IL1RL2: variants seen among roughly 807,000 people sequenced by gnomAD.
IL1RL2 encodes interleukin 1 receptor like 2.
In IL1RL2, 68 loss-of-function variants were observed where a neutral mutation model predicts 66.8. The ratio of observed to expected loss-of-function variants is 1.02; its 90% confidence interval spans 0.84 to 1.25. The LOEUF (loss-of-function observed/expected upper bound fraction) is 1.25. Ranked by LOEUF, IL1RL2 falls within the 50% of genes most tolerant of loss-of-function variation. The pLI is 0.00. For missense variants in IL1RL2, 729 were observed against 709.3 expected, an observed-to-expected ratio of 1.03 and a Z score of -0.32; for synonymous variants, 305 against 264.6, an observed-to-expected ratio of 1.15 and a Z score of -1.48.
chr2:102,189,185 G>A lies in IL1RL2; in HGVS notation c.168G>A (p.Trp56Ter). The change falls in exon 3 of 12, where the codon TGG becomes TGA. Residue 56 changes from tryptophan (W) to a stop codon, truncating the protein, a stop_gained. Coordinates refer to ENST00000264257, the MANE Select transcript of IL1RL2 (RefSeq NM_003854.4). LOFTEE classifies it high-confidence loss of function. ...PITSGEVSVT[W>*]YKNSSKIPVS... ...CATCTGGGGAAGTCAGTGTAACATGGTATAAAAATTCTAGCAAAATCCCAG... is the reference window on the plus strand; with the variant it reads ...CATCTGGGGAAGTCAGTGTAACATGATATAAAAATTCTAGCAAAATCCCAG... The A allele has an allele frequency of 1.2e-6, 2 of 1,613,998 alleles. No individual in the cohort carries two copies. The highest frequency in any genetic ancestry group is 1.7e-6 in the Non-Finnish European group (2 of 1,179,888).
intron 9 of IL1RL2, among the ~76,000 whole-genome samples, chr2:102,226,609 C>G (rs1306432696): frequency 1.3e-5 from 2 of 150,720 alleles, no homozygotes. Flanking sequence ...TATTTCTCAG[C>G]TATAGAAAGG....
chr2:102,202,840 ATTC>A (rs1688381508), intron 5 of IL1RL2, among the ~76,000 whole-genome samples: 1 of 152,154 alleles, frequency 6.6e-6, no homozygotes, highest in South Asian at 2.1e-4. Context: ...GATAATTTGA[ATTC>A]TTCTTTTCTA....
downstream of IL1RL2, among the ~76,000 whole-genome samples, chr2:102,241,660 C>A (rs1038804838): frequency 7.9e-5 from 12 of 152,194 alleles, no homozygotes; most frequent in African/African-American, 2.9e-4. Context: ...AAGCTAAGCT[C>A]TTTAAGTACA....
chr2:102,242,904 G>A (rs1210272466), downstream of IL1RL2, among the ~76,000 whole-genome samples: 1 of 152,154 alleles, frequency 6.6e-6, no homozygotes, highest in African/African-American at 2.4e-5. Context: ...GGAAATAGAA[G>A]AATTTATCTT....
intron 5 of IL1RL2, among the ~76,000 whole-genome samples, chr2:102,209,223 A>G (rs1688951753): frequency 6.6e-6 from 1 of 152,226 alleles, no homozygotes; most frequent in Non-Finnish European, 1.5e-5. Flanking sequence ...AGTGAAAAGC[A>G]TTGTTTCTTC....
intron 8 of IL1RL2, 24 bp downstream of exon 8, chr2:102,220,041 C>T: frequency 1.9e-6 from 3 of 1,590,274 alleles, no homozygotes; most frequent in Non-Finnish European, 2.6e-6. Context: ...GGGTTACACA[C>T]TGTTCAGAGT....
At chr2:102,191,727 G>A (rs150083452) in intron 3 of IL1RL2, among the ~76,000 whole-genome samples, 198 bp from the exon 4 acceptor site, 65 of 152,298 alleles carry the variant, frequency 4.3e-4, no homozygotes, top group Non-Finnish European at 6.8e-4. Context: ...CTCAGTTAAG[G>A]TGTTGTCCAG....
intron 5 of IL1RL2, among the ~76,000 whole-genome samples, chr2:102,205,217 C>A (rs375104670): frequency 6.6e-6 from 1 of 152,026 alleles, no homozygotes; most frequent in East Asian, 1.9e-4. Context: ...ACTCACTACA[C>A]CTTGAAAAGT....
At chr2:102,189,686 C>T (rs1396826770) in intron 3 of IL1RL2, among the ~76,000 whole-genome samples, 1 of 152,120 alleles carries the variant, frequency 6.6e-6, no homozygotes, top group Non-Finnish European at 1.5e-5. Flanking sequence ...GCGGCGATCT[C>T]GGCTCACTGC....
downstream of IL1RL2, among the ~76,000 whole-genome samples, chr2:102,242,328 C>T (rs537447353): frequency 1.8e-4 from 27 of 152,166 alleles, no homozygotes; most frequent in African/African-American, 6.0e-4. Context: ...TTATGAATTG[C>T]GTTAGTCAGG....
chr2:102,186,979 C>T, upstream of IL1RL2: 1 of 1,269,422 alleles, frequency 7.9e-7, no homozygotes, highest in Non-Finnish European at 1.0e-6. Context: ...CTGCCCCGCC[C>T]ACGGTGGCGG....
intron 9 of IL1RL2, among the ~76,000 whole-genome samples, chr2:102,229,371 AT>A (rs1690919490): frequency 6.6e-6 from 1 of 152,176 alleles, no homozygotes; most frequent in African/African-American, 2.4e-5. Context: ...CTAATCAGGG[AT>A]TAGTTTTGTG....
chr2:102,208,859 A>C (rs934383467), intron 5 of IL1RL2, among the ~76,000 whole-genome samples: 3 of 152,250 alleles, frequency 2.0e-5, no homozygotes, highest in Non-Finnish European at 2.9e-5. Flanking sequence ...AGTCATTAAG[A>C]AAATTAATTG....
chr2:102,232,872 G>T (rs1691256146), intron 9 of IL1RL2, 91 bp from the exon 10 acceptor site: 1 of 1,454,208 alleles, frequency 6.9e-7, no homozygotes, highest in Non-Finnish European at 9.4e-7. Context: ...CCAGGCCAAA[G>T]GACACCATGG....
At chr2:102,234,077 A>G (rs1378144576) in intron 10 of IL1RL2, among the ~76,000 whole-genome samples, 1 of 152,014 alleles carries the variant, frequency 6.6e-6, no homozygotes, top group Non-Finnish European at 1.5e-5. Context: ...ATTTAGAGAA[A>G]CCTCCCTTTC....
intron 9 of IL1RL2, among the ~76,000 whole-genome samples, chr2:102,230,287 CT>C (rs1188288753): frequency 2.0e-5 from 3 of 152,282 alleles, no homozygotes; most frequent in Admixed American, 1.3e-4. Context: ...AAAAAATCCT[CT>C]GGCTTTGGAA....
intron 5 of IL1RL2, among the ~76,000 whole-genome samples, chr2:102,210,740 G>A (rs1689100424): frequency 6.6e-6 from 1 of 152,184 alleles, no homozygotes; most frequent in African/African-American, 2.4e-5. Flanking sequence ...ACCAGATTTA[G>A]GAGTGAGATC....
In IL1RL2 at chr2:102,239,172, T is replaced by A; in HGVS notation, c.1679-20T>A. On this transcript the variant is annotated intron_variant, in intron 11 of 11. Coordinates refer to ENST00000264257, the MANE Select transcript of IL1RL2 (RefSeq NM_003854.4). ...CCCACCACATCAGAAAAGGAGTAAATAGATCTTTCCTGATTTCAGGCCCAG... is the reference window on the plus strand; with the variant it reads ...CCCACCACATCAGAAAAGGAGTAAAAAGATCTTTCCTGATTTCAGGCCCAG... 6.2e-7 allele frequency: 1 copy of A among 1,612,780 alleles called. No homozygotes were observed. The highest frequency in any genetic ancestry group is 8.5e-7 in the Non-Finnish European group (1 of 1,178,902).
chr2:102,239,158 A>G, intron 11 of IL1RL2, 34 bp from the exon 12 acceptor site: 1 of 1,607,494 alleles, frequency 6.2e-7, no homozygotes, highest in Non-Finnish European at 8.5e-7. Flanking sequence ...CCACCACATC[A>G]GAAAAGGAGT....
Sources: allele counts gnomAD v4.1 joint callset (sites outside exome capture counted in the v4.1 genomes callset), GRCh38; gene constraint gnomAD v4.1.1; transcripts MANE v1.5; gene names NCBI Gene and HGNC (gene_info 2026-07-23, HGNC 2026-07-21).